The following PKNOX2 variants were observed in gnomAD, a reference collection of about 807,000 sequenced individuals.
The protein encoded by PKNOX2 is PBX/knotted 1 homeobox 2.
Under a neutral mutation model 53.1 loss-of-function variants are expected in PKNOX2, and 14 were observed. The observed-to-expected ratio is 0.26, with a 90% CI of 0.17 to 0.41. The LOEUF (loss-of-function observed/expected upper bound fraction) is 0.41. Among genes scored for constraint, PKNOX2 ranks in the 10% least tolerant of loss-of-function variants. The pLI, the probability that PKNOX2 is intolerant of heterozygous loss-of-function variation, is 1.00. For synonymous variants in PKNOX2, 257 were observed against 242.8 expected, an observed-to-expected ratio of 1.06 and a Z score of -0.54; for missense variants, 496 against 602.8, an observed-to-expected ratio of 0.82 and a Z score of 1.85.
Position 125,411,858 on chromosome 11 carries a change from A to T in PKNOX2, c.929A>T (p.His310Leu). 1.2e-6 allele frequency: 2 copies of T among 1,614,046 alleles called. No homozygotes were observed. The highest frequency in any genetic ancestry group is 1.7e-6 in the Non-Finnish European group (2 of 1,179,978). ...TNIMRSWLFQ[H>L]LMHPYPTEDE... The stretch of plus-strand genomic sequence containing the variant: ...ATAATGCGTTCTTGGCTCTTCCAGC[A>T]TCTCATGGTGAGTGTGTGTGTCTTG... Residue 310 changes from histidine to leucine, a missense_variant, in exon 10 of 13, where the codon CAT (histidine) becomes CTT (leucine). Transcript: ENST00000298282.
At position 125,246,681 on chromosome 11, in the gene PKNOX2, C is replaced by T. The variant is rs146793038; in HGVS notation, c.-130+11566C>T. Among the ~76,000 whole-genome samples the T allele has an allele frequency of 1.1e-3, 165 of 152,302 alleles. 1 individual carries two copies. Among genetic ancestry groups the T allele is most frequent in the African/African-American group, 3.8e-3 (159 of 41,570 alleles). On this transcript the variant is annotated intron_variant, in intron 2 of 12. Coordinates refer to ENST00000298282, the MANE Select transcript of PKNOX2 (RefSeq NM_001382323.2). The stretch of plus-strand genomic sequence containing the variant: ...TTAAAGAATAATAATGATCTCACCC[C>T]ACAGGATTGTTGGGAATATTAAGGG...
At position 125,408,358 on chromosome 11, in the gene PKNOX2, C is replaced by T. The variant is rs139104725; in HGVS notation, c.589-1838C>T. Among the ~76,000 whole-genome samples, 6 of 152,326 alleles carry T rather than the reference C, an allele frequency of 3.9e-5. No homozygotes were observed. The East Asian group carries it at 5.8e-4, about 15-fold the overall frequency. The stretch of plus-strand genomic sequence containing the variant: ...AGCTTCACGGGCTAGGCGGCTCCCA[C>T]GGGGCCCCAGGAAGGGGAAGCCAAG... On this transcript the variant is annotated intron_variant, in intron 7 of 12. Coordinates refer to ENST00000298282, the MANE Select transcript of PKNOX2 (RefSeq NM_001382323.2).
chr11:125,212,999 T>C (rs963538533), intron 1 of PKNOX2, among the ~76,000 whole-genome samples: 4 of 152,048 alleles, frequency 2.6e-5, no homozygotes, highest in Non-Finnish European at 5.9e-5. Context: ...GGGTCAGAGA[T>C]GAAATAGGAC....
At chr11:125,178,595 A>T (rs1591470308) in intron 1 of PKNOX2, among the ~76,000 whole-genome samples, 1 of 48,138 alleles carries the variant, frequency 2.1e-5, no homozygotes, top group South Asian at 8.3e-4. Flanking sequence ...GGAAGGAAGG[A>T]AGGAAGGAAG....
At chr11:125,200,364 C>T (rs570488132) in intron 1 of PKNOX2, among the ~76,000 whole-genome samples, 86 of 152,316 alleles carry the variant, frequency 5.6e-4, no homozygotes, top group African/African-American at 2.0e-3. Flanking sequence ...CCCAATCTCA[C>T]CGAATAGCAG....
At chr11:125,366,496 C>A (rs115946421) in intron 4 of PKNOX2, among the ~76,000 whole-genome samples, 4 of 152,254 alleles carry the variant, frequency 2.6e-5, no homozygotes, top group East Asian at 3.9e-4. Flanking sequence ...ACAACTGTTA[C>A]AATCACTCCA....
At chr11:125,193,755 G>T (rs139223889) in intron 1 of PKNOX2, among the ~76,000 whole-genome samples, 8 of 152,178 alleles carry the variant, frequency 5.3e-5, no homozygotes, top group Non-Finnish European at 8.8e-5. Flanking sequence ...CCAGTAAGAC[G>T]TGGGGCTGGA....
At chr11:125,392,833 G>T (rs1220349840) in intron 6 of PKNOX2, among the ~76,000 whole-genome samples, 1 of 152,086 alleles carries the variant, frequency 6.6e-6, no homozygotes, top group Non-Finnish European at 1.5e-5. Flanking sequence ...GAGAAGAAAG[G>T]TTTAAGGAAT....
At chr11:125,184,255 G>C (rs1294820960) in intron 1 of PKNOX2, 2 of 152,312 alleles carry the variant, frequency 1.3e-5, no homozygotes, top group African/African-American at 4.8e-5. Flanking sequence ...GGACTGCAAG[G>C]ATAGGGGAGA....
At position 125,265,095 on chromosome 11, in the gene PKNOX2, T is replaced by C. The variant is rs559794557; in HGVS notation, c.-130+29980T>C. 3.3e-5 allele frequency among the ~76,000 whole-genome samples: 5 copies of C among 152,244 alleles called. No homozygotes were observed. The East Asian group carries it at 9.7e-4, about 30-fold the overall frequency. ...CGAGGTCAGAAGATTGAGACCATCC[T>C]GGCTAACACGGTGAAACCCCATCTC... On this transcript the variant is annotated intron_variant, in intron 2 of 12. Coordinates refer to ENST00000298282, the MANE Select transcript of PKNOX2 (RefSeq NM_001382323.2).
intron 10 of PKNOX2, among the ~76,000 whole-genome samples, chr11:125,423,688 C>T (rs1344073748): frequency 6.6e-6 from 1 of 152,178 alleles, no homozygotes; most frequent in Non-Finnish European, 1.5e-5. Context: ...GGTAGCTACA[C>T]AGACCCAAAG....
intron 4 of PKNOX2, among the ~76,000 whole-genome samples, chr11:125,362,999 G>T (rs1162175817): frequency 6.6e-6 from 1 of 152,224 alleles, no homozygotes; most frequent in Non-Finnish European, 1.5e-5. Context: ...TCTGGGCAGG[G>T]TTTCCTTAGC....
chr11:125,356,995 A>G (rs1473503211), intron 4 of PKNOX2, among the ~76,000 whole-genome samples: 2 of 152,248 alleles, frequency 1.3e-5, no homozygotes, highest in Non-Finnish European at 2.9e-5. Flanking sequence ...CCTGTGAAAC[A>G]CATTTGCTTT....
chr11:125,374,560 G>A (rs960216860), intron 5 of PKNOX2, among the ~76,000 whole-genome samples: 8 of 152,164 alleles, frequency 5.3e-5, no homozygotes, highest in African/African-American at 1.2e-4. Flanking sequence ...AAGGCCTCCC[G>A]CACCAAGCCC....
chr11:125,227,429 G>A (rs1941799760), intron 1 of PKNOX2, among the ~76,000 whole-genome samples: 1 of 152,106 alleles, frequency 6.6e-6, no homozygotes, highest in Non-Finnish European at 1.5e-5. Context: ...TTCTATCTCT[G>A]TGAGTTTGAC....
chr11:125,315,923 T>A (rs1949156214), intron 2 of PKNOX2, among the ~76,000 whole-genome samples: 1 of 152,180 alleles, frequency 6.6e-6, no homozygotes, highest in Non-Finnish European at 1.5e-5. Flanking sequence ...AATATTTATC[T>A]TGTGCCTGAC....
At chr11:125,192,282 G>A (rs890908947) in intron 1 of PKNOX2, among the ~76,000 whole-genome samples, 3 of 152,182 alleles carry the variant, frequency 2.0e-5, no homozygotes, top group African/African-American at 7.2e-5. Flanking sequence ...CCAGGGTCCC[G>A]GCAGAGCCGT....
intron 2 of PKNOX2, among the ~76,000 whole-genome samples, chr11:125,258,117 G>A (rs532174682): frequency 2.1e-3 from 313 of 152,180 alleles, no homozygotes; most frequent in African/African-American, 6.9e-3. Flanking sequence ...CAGTGCAGCT[G>A]GTCACCAAAG....
intron 1 of PKNOX2, chr11:125,191,523 C>T (rs1956876921): frequency 6.6e-6 from 1 of 152,184 alleles, no homozygotes; most frequent in Non-Finnish European, 1.5e-5. Context: ...GGTGGCGGGT[C>T]AGGGAAGACC....
Sources: allele counts gnomAD v4.1 joint callset (sites outside exome capture counted in the v4.1 genomes callset), GRCh38; gene constraint gnomAD v4.1.1; transcripts MANE v1.5; gene names NCBI Gene and HGNC (gene_info 2026-07-23, HGNC 2026-07-21).